DCTN2: variants seen among roughly 807,000 people sequenced by gnomAD.
The protein encoded by DCTN2 is 50 kDa dynein-associated polypeptide.
In DCTN2, 18 loss-of-function variants were observed where a neutral mutation model predicts 55.4. That is an observed-to-expected ratio of 0.32 (90% CI 0.22 to 0.48). DCTN2 has a LOEUF of 0.48. Among genes scored for constraint, DCTN2 ranks in the 20% least tolerant of loss-of-function variants. The pLI is 0.99. For missense variants in DCTN2, 390 were observed against 491.0 expected (o/e 0.79, Z 1.94); for synonymous variants, 168 against 185.2 (o/e 0.91, Z 0.76).
chr12:57,537,241 G>A (rs1169336104), intron 2 of DCTN2, among the ~76,000 whole-genome samples: 1 of 151,634 alleles, frequency 6.6e-6, no homozygotes, highest in Non-Finnish European at 1.5e-5. Flanking sequence ...GGCTGAGGTG[G>A]AAGGGTCACT....
intron 2 of DCTN2, among the ~76,000 whole-genome samples, chr12:57,537,489 G>T (rs1171849129): frequency 6.6e-6 from 1 of 152,098 alleles, no homozygotes; most frequent in Non-Finnish European, 1.5e-5. Context: ...CTGTGTGTAG[G>T]TATGTGGGGA....
At position 57,539,983 on chromosome 12, in the gene DCTN2, C is replaced by T. The variant is rs1345501075; in HGVS notation, c.106-4138G>A. 3.0e-5 allele frequency: 17 copies of T among 568,638 alleles called. No homozygotes were observed. In the East Asian group the frequency reaches 7.2e-4, roughly 24 times the overall value. The allele number at this position is 568,638 out of a possible 1,614,324, so 35.2% of individuals were successfully genotyped here. A position where few individuals can be genotyped will look rare whatever the true frequency, so the allele number is the denominator to read the frequency against. ...GGAGGTTGCAGTTGAACCCGGCAGG[C>T]GGAGGTTGCAGTGAGCTGAGATCAT... On this transcript the variant is annotated intron_variant, in intron 2 of 13. Coordinates refer to ENST00000548249, the MANE Select transcript of DCTN2 (RefSeq NM_001261413.2).
At chr12:57,536,527 G>A (rs79512872) in intron 2 of DCTN2, among the ~76,000 whole-genome samples, 4,389 of 152,254 alleles carry the variant, frequency 0.029, 103 homozygotes, top group South Asian at 0.069. Context: ...CTTGCCAAGA[G>A]TATCCATGGG....
At chr12:57,535,227 G>A in intron 4 of DCTN2, 73 bp from the exon 5 acceptor site, 13 of 1,262,878 alleles carry the variant, frequency 1.0e-5, no homozygotes, top group Non-Finnish European at 1.4e-5. Context: ...CCACACCCTG[G>A]GCCTAAGTCA....
chr12:57,536,048 A>G, intron 2 of DCTN2: 2 of 584,390 alleles, frequency 3.4e-6, no homozygotes, highest in Non-Finnish European at 6.1e-6. Flanking sequence ...AGTTGTATAA[A>G]TATTAACACC....
chr12:57,546,409 A>G (rs1379351790), intron 1 of DCTN2, among the ~76,000 whole-genome samples: 1 of 152,012 alleles, frequency 6.6e-6, no homozygotes, highest in African/African-American at 2.4e-5. Context: ...CTATCCTCCA[A>G]TTAGGCCCCG....
chr12:57,543,680 G>T, intron 2 of DCTN2: 1 of 844,688 alleles, frequency 1.2e-6, no homozygotes, highest in Non-Finnish European at 1.4e-6. Context: ...TCGGGCCCCT[G>T]AAGTGGCTGA....
At chr12:57,539,737 C>T (rs772012918) in intron 2 of DCTN2, among the ~76,000 whole-genome samples, 64 of 152,154 alleles carry the variant, frequency 4.2e-4, no homozygotes, top group Non-Finnish European at 5.1e-4. Flanking sequence ...AGCCAAGATT[C>T]CTCTTTCCAC....
chr12:57,535,432 T>C, intron 4 of DCTN2, 52 bp downstream of exon 4: 1 of 1,599,278 alleles, frequency 6.3e-7, no homozygotes, highest in Non-Finnish European at 8.6e-7. Context: ...ACATGTCTGC[T>C]AGATAGGGTC....
At chr12:57,538,080 C>T (rs1039094200) in intron 2 of DCTN2, among the ~76,000 whole-genome samples, 16 of 152,222 alleles carry the variant, frequency 1.1e-4, no homozygotes, top group African/African-American at 3.4e-4. Flanking sequence ...TTATTATGGG[C>T]GGGCACTATG....
At chr12:57,543,470 G>A (rs560162695) in intron 2 of DCTN2, among the ~76,000 whole-genome samples, 7 of 152,188 alleles carry the variant, frequency 4.6e-5, no homozygotes, top group Non-Finnish European at 7.4e-5. Flanking sequence ...ACAGGCTGCT[G>A]GTGAGATCCC....
rs760930835 is a variant in DCTN2, at chr12:57,532,151, AG to A, written c.1028-46del. The A allele has an allele frequency of 1.4e-5, 22 of 1,552,564 alleles. 1 individual carries two copies. In the South Asian group the frequency reaches 2.1e-4, roughly 15 times the overall value. On this transcript the variant is annotated intron_variant, in intron 12 of 13. Transcript: ENST00000548249. ...TTGAGACTTGAATCCAAGATAAGGGAGGGGACCAAAAGTTGCCCATTTTTCA... is the reference window on the plus strand; with the variant it reads ...TTGAGACTTGAATCCAAGATAAGGGAGGGACCAAAAGTTGCCCATTTTTCA...
intron 2 of DCTN2, 79 bp from the exon 3 acceptor site, chr12:57,535,924 C>T: frequency 8.9e-7 from 1 of 1,127,684 alleles, no homozygotes; most frequent in East Asian, 2.5e-5. Context: ...AATCCCCAAA[C>T]CATTAGGTGA....
intron 13 of DCTN2, 140 bp from the exon 14 acceptor site, chr12:57,530,915 C>T: frequency 1.4e-6 from 1 of 736,698 alleles, no homozygotes; most frequent in Non-Finnish European, 2.3e-6. Context: ...TTTATAGCAC[C>T]AATTTTCAAG....
At chr12:57,533,770 CAAA>C (rs34012531) in intron 7 of DCTN2, among the ~76,000 whole-genome samples, 180 bp downstream of exon 7, 81 of 124,816 alleles carry the variant, frequency 6.5e-4, no homozygotes, top group African/African-American at 1.6e-3. Flanking sequence ...GACTCCGTCT[CAAA>C]AAAAAAAAAA....
intron 2 of DCTN2, chr12:57,538,525 CT>C (rs748959763): frequency 1.3e-6 from 1 of 760,656 alleles, no homozygotes. Context: ...TTACCAGCTC[CT>C]TGTGGTTTCC....
At chr12:57,543,870 C>T (rs1412696678) in intron 2 of DCTN2, 3 of 1,255,332 alleles carry the variant, frequency 2.4e-6, no homozygotes, top group East Asian at 5.6e-5. Context: ...CATCAGCCAC[C>T]CCACTAGATG....
intron 2 of DCTN2, chr12:57,538,361 TG>T (rs1359384774): frequency 6.0e-6 from 4 of 665,108 alleles, no homozygotes; most frequent in Non-Finnish European, 1.1e-5. Flanking sequence ...GGGCATGAGT[TG>T]GGGGCAGTAT....
At chr12:57,534,489 G>A (rs765416299) in intron 5 of DCTN2, 37 bp from the exon 6 acceptor site, 2 of 1,556,286 alleles carry the variant, frequency 1.3e-6, no homozygotes, top group African/African-American at 2.7e-5. Context: ...GGGATGGCAA[G>A]AATGAATCAA....
Sources: allele counts gnomAD v4.1 joint callset (sites outside exome capture counted in the v4.1 genomes callset), GRCh38; gene constraint gnomAD v4.1.1; transcripts MANE v1.5; gene names NCBI Gene and HGNC (gene_info 2026-07-23, HGNC 2026-07-21).